APH1B: variants seen among roughly 807,000 people sequenced by gnomAD.
APH1B encodes the protein gamma-secretase subunit APH-1B.
A neutral mutation model predicts 28.2 loss-of-function variants in APH1B; 27 were observed. The ratio of observed to expected loss-of-function variants is 0.96; its 90% CI spans 0.70 to 1.32. The LOEUF is 1.32. Ranked by LOEUF, APH1B falls within the 40% of genes most tolerant of loss-of-function variation. The pLI is 0.00. For missense variants in APH1B, 305 were observed against 313.6 expected (o/e 0.97, Z 0.21); for synonymous variants, 141 against 124.6 (o/e 1.13, Z -0.88).
intron 4 of APH1B, among the ~76,000 whole-genome samples, chr15:63,290,117 A>C (rs1164334996): frequency 6.6e-6 from 1 of 152,224 alleles, no homozygotes; most frequent in Non-Finnish European, 1.5e-5. Context: ...TCTGGTCCCA[A>C]ACATTTCAGA....
chr15:63,303,855 A>AAC (rs1555427261), intron 5 of APH1B, among the ~76,000 whole-genome samples: 2 of 125,340 alleles, frequency 1.6e-5, no homozygotes, highest in East Asian at 4.4e-4. Context: ...TCTCTTGGTG[A>AAC]ACACACACAC....
At chr15:63,282,668 A>AT (rs1225224838) in intron 2 of APH1B, among the ~76,000 whole-genome samples, 2 of 152,208 alleles carry the variant, frequency 1.3e-5, no homozygotes, top group East Asian at 1.9e-4. Flanking sequence ...AGACATTAGG[A>AT]TTTTTTCTGT....
At chr15:63,294,013 C>A (rs1477958011) in intron 4 of APH1B, among the ~76,000 whole-genome samples, 1 of 151,994 alleles carries the variant, frequency 6.6e-6, no homozygotes, top group African/African-American at 2.4e-5. Flanking sequence ...GATTCTCCTG[C>A]CTCAACCTCC....
rs1273111634 is a variant in APH1B, at chr15:63,307,391, A to G, written c.*1610A>G. On this transcript the variant is annotated 3_prime_UTR_variant, in exon 6 of 6. Transcript: ENST00000261879. ...AGATAAAATAGAGATAATAGAGATAAAAGAAGAGGAGGGCTTCTATCAATG... is the reference window on the plus strand; with the variant it reads ...AGATAAAATAGAGATAATAGAGATAGAAGAAGAGGAGGGCTTCTATCAATG... 6.6e-6 allele frequency: 1 copy of G among 152,216 alleles called. No individual in the cohort carries two copies. Among genetic ancestry groups the G allele is most frequent in the Non-Finnish European group, 1.5e-5 (1 of 68,038 alleles). The allele number at this position is 152,216 out of a possible 1,614,324, so 9.4% of individuals were successfully genotyped here.
rs2038337840 is a variant in APH1B at position 63,277,653 on chromosome 15, C to G, written c.30C>G (p.Ala10=). 2 of 1,603,958 alleles carry G rather than the reference C, an allele frequency of 1.2e-6. No homozygotes were observed. Among genetic ancestry groups the G allele is most frequent in the Admixed American group, 3.4e-5 (2 of 58,790 alleles). MTAAVFFGC[A]FIAFGPALAL... is the part of the protein sequence containing the mutation. ...CTGCGGCCGTGTTCTTCGGCTGCGC[C>G]TTCATTGCCTTCGGGCCTGCGCTCG... Residue 10 remains alanine (A), a synonymous_variant, in exon 1 of 6, where the codon GCC becomes GCG. Coordinates refer to ENST00000261879, the MANE Select transcript of APH1B (RefSeq NM_031301.4).
At chr15:63,293,929 ATT>A (rs879446199) in intron 4 of APH1B, among the ~76,000 whole-genome samples, 3 of 144,610 alleles carry the variant, frequency 2.1e-5, no homozygotes, top group African/African-American at 7.6e-5. Flanking sequence ...AACTCAGCTA[ATT>A]TTTTTTTTTT....
At chr15:63,277,928 G>A in intron 1 of APH1B, 192 bp downstream of exon 1, 3 of 596,352 alleles carry the variant, frequency 5.0e-6, no homozygotes, top group South Asian at 2.1e-5. Flanking sequence ...CGCACACTGG[G>A]GGTCAGGGCC....
At chr15:63,295,174 A>G (rs2038551765) in intron 4 of APH1B, among the ~76,000 whole-genome samples, 1 of 152,234 alleles carries the variant, frequency 6.6e-6, no homozygotes. Context: ...CATTTAAAGA[A>G]ATGGTAAATC....
intron 2 of APH1B, among the ~76,000 whole-genome samples, chr15:63,283,590 T>C (rs1226379077): frequency 6.6e-6 from 1 of 152,198 alleles, no homozygotes; most frequent in Non-Finnish European, 1.5e-5. Context: ...GTTCTGTAGA[T>C]ATAAGTCCTT....
intron 4 of APH1B, 118 bp from the exon 5 acceptor site, chr15:63,302,227 T>C (rs2038637275): frequency 1.3e-5 from 16 of 1,226,116 alleles, no homozygotes; most frequent in Middle Eastern, 3.0e-4. Flanking sequence ...TTCTGTCAGG[T>C]GGTGTTAAAC....
At chr15:63,291,305 A>C (rs2038504503) in intron 4 of APH1B, among the ~76,000 whole-genome samples, 1 of 152,200 alleles carries the variant, frequency 6.6e-6, no homozygotes, top group African/African-American at 2.4e-5. Context: ...TAGAAGAAAA[A>C]ATGTCTTTAG....
chr15:63,299,660 T>C (rs931321261), intron 4 of APH1B, among the ~76,000 whole-genome samples: 2 of 152,056 alleles, frequency 1.3e-5, no homozygotes, highest in African/African-American at 2.4e-5. Flanking sequence ...TGCCTCGGCC[T>C]CCCAAAGTGC....
chr15:63,282,206 G>C (rs1028168286), intron 2 of APH1B, among the ~76,000 whole-genome samples: 1 of 152,164 alleles, frequency 6.6e-6, no homozygotes, highest in African/African-American at 2.4e-5. Flanking sequence ...CAAATATAGG[G>C]AGTTTGGTTT....
chr15:63,278,435 A>T, intron 1 of APH1B: 1 of 446,166 alleles, frequency 2.2e-6, no homozygotes, highest in Admixed American at 2.4e-5. Flanking sequence ...TCCTCTGATG[A>T]GTCTCTCTTG....
At chr15:63,286,380 TGTTA>T (rs754661164) in intron 2 of APH1B, among the ~76,000 whole-genome samples, 174 bp from the exon 3 acceptor site, 1 of 152,234 alleles carries the variant, frequency 6.6e-6, no homozygotes, top group African/African-American at 2.4e-5. Context: ...TTTTGGTTGA[TGTTA>T]GTTCATTGAA....
rs61114269 is a variant in APH1B at position 63,279,796 on chromosome 15, CT to C, written c.284+482del. Among the ~76,000 whole-genome samples, 380 of 137,870 alleles carry C rather than the reference CT, an allele frequency of 2.8e-3. 2 individuals carry two copies. Among genetic ancestry groups the C allele is most frequent in the Middle Eastern group, 7.6e-3 (2 of 262 alleles). The allele number at this position is 137,870 out of a possible 152,430, so 90.4% of individuals were successfully genotyped here. A position where few individuals can be genotyped will look rare whatever the true frequency, so the allele number is the denominator to read the frequency against. On this transcript the variant is annotated intron_variant, in intron 2 of 5. Coordinates refer to ENST00000261879, the MANE Select transcript of APH1B (RefSeq NM_031301.4). ...CTCTTTGCCACCACCTAAGTTAATT[CT>C]TTTTTTTTTTTTTTTTGAGACAGAG...
chr15:63,302,194 T>A, intron 4 of APH1B, 151 bp from the exon 5 acceptor site: 1 of 874,686 alleles, frequency 1.1e-6, no homozygotes, highest in Non-Finnish European at 1.7e-6. Context: ...CAGTGTTGCT[T>A]TTTGAGTGTG....
intron 4 of APH1B, among the ~76,000 whole-genome samples, chr15:63,288,627 A>C (rs2038472570): frequency 6.6e-6 from 1 of 152,228 alleles, no homozygotes; most frequent in Non-Finnish European, 1.5e-5. Context: ...TAGAGGAGAG[A>C]GTCAAGGCCC....
intron 4 of APH1B, among the ~76,000 whole-genome samples, chr15:63,290,057 A>G (rs1022712300): frequency 6.6e-6 from 1 of 151,966 alleles, no homozygotes; most frequent in African/African-American, 2.4e-5. Context: ...TCCCCTAAAT[A>G]TCTCATTTTA....
Sources: gnomAD v4.1 joint callset for allele counts (sites outside exome capture counted in the v4.1 genomes callset) on GRCh38, gnomAD v4.1.1 for gene constraint, MANE v1.5 for transcripts, NCBI Gene and HGNC (gene_info 2026-07-23, HGNC 2026-07-21) for gene names.